The following WDFY4 variants were observed in gnomAD, a reference collection of about 807,000 sequenced individuals.
WDFY4 encodes the protein WDFY family member 4.
A neutral mutation model predicts 351.9 loss-of-function variants in WDFY4; 169 were observed. The observed-to-expected ratio is 0.48, with a 90% CI of 0.42 to 0.55. WDFY4 has a LOEUF of 0.55. WDFY4 is among the 20% of genes least tolerant of loss of function. The pLI is 0.00. For synonymous variants in WDFY4, 1,622 were observed against 1,574.6 expected (o/e 1.03, Z -0.71); for missense variants, 3,803 against 3,935.6 (o/e 0.97, Z 0.90).
In WDFY4 at chr10:48,963,823, C is replaced by T; in HGVS notation, c.8224-19C>T. On this transcript the variant is annotated intron_variant, in intron 53 of 61. Transcript: ENST00000325239. ...CATGAGTGGCCTGGGTTTTAATGCT[C>T]TTTGGGTTTTTGTTCCAGGCCCTGG... The T allele has an allele frequency of 2.6e-6, 4 of 1,551,074 alleles. No homozygotes were observed. The highest frequency in any genetic ancestry group is 2.4e-5 in the South Asian group (2 of 84,006).
At chr10:48,900,101 AC>A in intron 45 of WDFY4, 119 bp from the exon 46 acceptor site, 1 of 818,290 alleles carries the variant, frequency 1.2e-6, no homozygotes, top group Non-Finnish European at 1.9e-6. Context: ...CAAAAGGACG[AC>A]CCAGGAAGGG....
At chr10:48,905,297 C>G (rs139776852) in intron 47 of WDFY4, among the ~76,000 whole-genome samples, 1 of 152,254 alleles carries the variant, frequency 6.6e-6, no homozygotes, top group East Asian at 1.9e-4. Flanking sequence ...GAGCTTACCC[C>G]CAGCTGTGCC....
chr10:48,916,268 G>C (rs929751087), intron 47 of WDFY4, among the ~76,000 whole-genome samples: 2 of 152,228 alleles, frequency 1.3e-5, no homozygotes, highest in Non-Finnish European at 2.9e-5. Flanking sequence ...AGGACAGAAA[G>C]ATTTCTGATT....
intron 47 of WDFY4, among the ~76,000 whole-genome samples, chr10:48,902,170 G>A (rs1022799670): frequency 6.6e-6 from 1 of 152,202 alleles, no homozygotes; most frequent in African/African-American, 2.4e-5. Context: ...GCCCAGCCTT[G>A]GAGGTCAGGC....
At chr10:48,778,134 G>T (rs1402950434) in intron 17 of WDFY4, among the ~76,000 whole-genome samples, 1 of 152,184 alleles carries the variant, frequency 6.6e-6, no homozygotes, top group Non-Finnish European at 1.5e-5. Flanking sequence ...ATTGGGTTTG[G>T]GGTTTCTATG....
intron 51 of WDFY4, among the ~76,000 whole-genome samples, chr10:48,952,202 A>G (rs1255575097): frequency 1.3e-5 from 2 of 152,162 alleles, no homozygotes; most frequent in East Asian, 1.9e-4. Context: ...GCTCACACCC[A>G]GGTGGACCAT....
intron 39 of WDFY4, among the ~76,000 whole-genome samples, chr10:48,842,843 A>G (rs2068655210): frequency 1.3e-5 from 2 of 152,192 alleles, no homozygotes; most frequent in Non-Finnish European, 1.5e-5. Context: ...CTGGTCTACA[A>G]CTGTCGCTGA....
intron 24 of WDFY4, among the ~76,000 whole-genome samples, chr10:48,797,330 G>A (rs1184105668): frequency 1.3e-5 from 2 of 152,142 alleles, no homozygotes; most frequent in Admixed American, 1.3e-4. Flanking sequence ...TGGGCATGTG[G>A]AGGTCCTCAG....
chr10:48,896,507 G>C (rs563121592), intron 44 of WDFY4, among the ~76,000 whole-genome samples: 2 of 152,330 alleles, frequency 1.3e-5, no homozygotes, highest in Admixed American at 1.3e-4. Flanking sequence ...GTCTCAGTGA[G>C]AGCCTCACTC....
At chr10:48,739,374 A>C (rs1367205587) in intron 11 of WDFY4, among the ~76,000 whole-genome samples, 1 of 152,200 alleles carries the variant, frequency 6.6e-6, no homozygotes, top group Non-Finnish European at 1.5e-5. Context: ...CAGCCTGATT[A>C]CTTTGACTTC....
intron 43 of WDFY4, among the ~76,000 whole-genome samples, chr10:48,888,006 C>G (rs552266779): frequency 3.9e-5 from 6 of 152,200 alleles, no homozygotes; most frequent in African/African-American, 1.4e-4. Context: ...GGAAAATTAT[C>G]TAAGATGAAT....
chr10:48,972,672 GT>G (rs1226096206), intron 57 of WDFY4, among the ~76,000 whole-genome samples: 1 of 152,100 alleles, frequency 6.6e-6, no homozygotes, highest in Admixed American at 6.5e-5. Context: ...TCTTATCTAG[GT>G]TGCTGTTTGC....
intron 47 of WDFY4, among the ~76,000 whole-genome samples, chr10:48,936,928 TG>T (rs138902842): frequency 0.25 from 38,132 of 150,922 alleles, 6,065 homozygotes; most frequent in East Asian, 0.6. Flanking sequence ...CTTCAGGTTT[TG>T]TTTTTTTGAG....
intron 43 of WDFY4, among the ~76,000 whole-genome samples, chr10:48,889,968 G>A (rs925699183): frequency 6.6e-6 from 1 of 152,254 alleles, no homozygotes; most frequent in African/African-American, 2.4e-5. Context: ...ACCAGGGGCT[G>A]TATTCAGCTA....
chr10:48,744,253 A>G (rs2064943555), intron 12 of WDFY4, among the ~76,000 whole-genome samples: 1 of 152,240 alleles, frequency 6.6e-6, no homozygotes, highest in East Asian at 1.9e-4. Flanking sequence ...CCTCTAAAGC[A>G]TAAATGACAG....
intron 21 of WDFY4, among the ~76,000 whole-genome samples, chr10:48,789,448 A>T (rs2066605235): frequency 6.6e-6 from 1 of 152,226 alleles, no homozygotes; most frequent in Admixed American, 6.5e-5. Flanking sequence ...CTGATGTAGG[A>T]GTCCAGGATT....
At chr10:48,772,205 T>C in intron 13 of WDFY4, among the ~76,000 whole-genome samples, 1 of 151,844 alleles carries the variant, frequency 6.6e-6, no homozygotes, top group Non-Finnish European at 1.5e-5. Context: ...GGGAAAGAGC[T>C]GAAGGAGGAT....
At chr10:48,769,068 C>T (rs1241873180) in intron 13 of WDFY4, among the ~76,000 whole-genome samples, 5 of 152,138 alleles carry the variant, frequency 3.3e-5, no homozygotes, top group Admixed American at 6.5e-5. Flanking sequence ...GTTTACAGGA[C>T]GAATTGCCCA....
intron 12 of WDFY4, among the ~76,000 whole-genome samples, chr10:48,743,870 C>A (rs1405675916): frequency 6.6e-6 from 1 of 152,090 alleles, no homozygotes; most frequent in African/African-American, 2.4e-5. Context: ...GGTGCCTGGG[C>A]CTGGCATCCC....
Sources: gnomAD v4.1 joint callset for allele counts (sites outside exome capture counted in the v4.1 genomes callset) on GRCh38, gnomAD v4.1.1 for gene constraint, MANE v1.5 for transcripts, NCBI Gene and HGNC (gene_info 2026-07-23, HGNC 2026-07-21) for gene names.